Variants in LMO3 observed in about 807,000 individuals in gnomAD.
LMO3 encodes the protein LIM domain only 3.
Under a neutral mutation model 15.8 loss-of-function variants are expected in LMO3, and 2 were observed. The observed-to-expected ratio is 0.13, with a 90% confidence interval of 0.05 to 0.40. The LOEUF is 0.40. Ranked by LOEUF, LMO3 falls within the 10% of genes least tolerant of loss-of-function variation. The pLI, the probability that LMO3 is intolerant of heterozygous loss-of-function variation, is 0.99. For missense variants in LMO3, 86 were observed against 182.2 expected (o/e 0.47, Z 3.04); for synonymous variants, 62 against 63.8 (o/e 0.97, Z 0.13).
In LMO3 at chr12:16,598,485, T is replaced by C. The variant is rs934027890; in HGVS notation, c.206+2170A>G. ...GAAATCGTACTCTGAGAAATGAATA[T>C]ATTGGCAATCAGGACCAGGGTTTAT... is the stretch of plus-strand genomic sequence containing the variant. On this transcript the variant is annotated intron_variant, in intron 2 of 3. Transcript: ENST00000537304. The surrounding 1 kb of genome is among the most constrained non-coding windows in gnomAD (Gnocchi z 4.3). 1.3e-5 allele frequency: 2 copies of C among 152,240 alleles called. No homozygotes were observed. Among genetic ancestry groups the C allele is most frequent in the African/African-American group, 2.4e-5 (1 of 41,546 alleles). The allele number at this position is 152,240 out of a possible 1,614,324, so 9.4% of individuals were successfully genotyped here. A position where few individuals can be genotyped will look rare whatever the true frequency, so the allele number is the denominator to read the frequency against.
chr12:16,601,005 C>A, intron 1 of LMO3, 137 bp from the exon 2 acceptor site: 1 of 654,410 alleles, frequency 1.5e-6, no homozygotes, highest in South Asian at 2.3e-5. Context: ...TGAAATCAAA[C>A]CCAATTTTGG....
chr12:16,591,354 C>T lies in LMO3; in HGVS notation c.206+9301G>A, dbSNP rs1386892087. Among the ~76,000 whole-genome samples the T allele has an allele frequency of 6.6e-6, 1 of 151,894 alleles. No individual in the cohort carries two copies. Among genetic ancestry groups the T allele is most frequent in the Non-Finnish European group, 1.5e-5 (1 of 67,940 alleles). ...TTCATCAGGTCATTACTCAAGTCAC[C>T]GTCTCAGTGAGGCTGTCTGCACCCC... On this transcript the variant is annotated intron_variant, in intron 2 of 3. Transcript: ENST00000537304. The surrounding 1 kb of genome is among the most constrained non-coding windows in gnomAD (Gnocchi z 4.1).
In LMO3 at chr12:16,600,399, T is replaced by G. The variant is rs1367411595; in HGVS notation, c.206+256A>C. 6 of 342,522 alleles carry G rather than the reference T, an allele frequency of 1.8e-5. No homozygotes were observed. The East Asian group carries it at 3.1e-4, about 18-fold the overall frequency. 21.2% of individuals were successfully genotyped at this position (342,522 alleles called of 1,614,324 possible). On this transcript the variant is annotated intron_variant, in intron 2 of 3. Transcript: ENST00000537304. ...TTGACATTAACTGGCAGTTTCAACA[T>G]AGGCAGCGCCATAACCAACTGCCTG...
chr12:16,568,445 C>T (rs1400154349), intron 2 of LMO3, among the ~76,000 whole-genome samples: 2 of 152,140 alleles, frequency 1.3e-5, no homozygotes, highest in East Asian at 3.9e-4. Flanking sequence ...ATAATCCAAG[C>T]TAAGTACCCA....
Position 16,582,447 on chromosome 12 carries a change from A to C in LMO3, c.206+18208T>G, listed in dbSNP as rs1472854358. On this transcript the variant is annotated intron_variant, in intron 2 of 3. Transcript: ENST00000537304. This position sits in a 1 kb window ranked among gnomAD's most constrained non-coding sequence, Gnocchi z 4.1. The stretch of plus-strand genomic sequence containing the variant: ...TTTTATATTTTATATTGTCTTTATC[A>C]GGTCAAGGTACTGTATTAGAGTTAT... 2.0e-5 allele frequency among the ~76,000 whole-genome samples: 3 copies of C among 152,182 alleles called. No individual in the cohort carries two copies. The highest frequency in any genetic ancestry group is 4.4e-5 in the Non-Finnish European group (3 of 68,024).
intron 2 of LMO3, chr12:16,573,366 CA>C: frequency 6.6e-6 from 1 of 152,260 alleles, no homozygotes; most frequent in South Asian, 2.1e-4. Flanking sequence ...AATCATTTGA[CA>C]GCTGATATTC....
chr12:16,557,301 G>A (rs1212817401), intron 3 of LMO3, among the ~76,000 whole-genome samples: 1 of 150,650 alleles, frequency 6.6e-6, no homozygotes, highest in Non-Finnish European at 1.5e-5. Flanking sequence ...GGACCACCAG[G>A]GATCAAATAA....
At chr12:16,575,785 G>C (rs759630595) in intron 2 of LMO3, among the ~76,000 whole-genome samples, 12 of 148,132 alleles carry the variant, frequency 8.1e-5, no homozygotes, top group Non-Finnish European at 1.5e-5. Flanking sequence ...TTCATGTCCT[G>C]ACCTGTAGGA....
chr12:16,584,277 G>A lies in LMO3; in HGVS notation c.206+16378C>T, dbSNP rs1241479834. Among the ~76,000 whole-genome samples, 1 of 152,146 alleles carries A rather than the reference G, an allele frequency of 6.6e-6. No individual in the cohort carries two copies. The highest frequency in any genetic ancestry group is 1.5e-5 in the Non-Finnish European group (1 of 68,032). On this transcript the variant is annotated intron_variant, in intron 2 of 3. Coordinates refer to ENST00000537304, the MANE Select transcript of LMO3 (RefSeq NM_018640.5). This position sits in a 1 kb window ranked among gnomAD's most constrained non-coding sequence, Gnocchi z 5.2. ...TGCCAGTTTCTCCTCTTGGCTTCAT[G>A]GAATGTGGGATTTACATGAGTAAGT...
intron 2 of LMO3, among the ~76,000 whole-genome samples, chr12:16,572,742 G>A (rs1276991397): frequency 6.7e-6 from 1 of 148,742 alleles, no homozygotes; most frequent in Non-Finnish European, 1.5e-5. Context: ...ATAATGCTCT[G>A]CTCACTGTTA....
At chr12:16,583,969 G>A (rs1016684194) in intron 2 of LMO3, among the ~76,000 whole-genome samples, 3 of 152,228 alleles carry the variant, frequency 2.0e-5, no homozygotes, top group Non-Finnish European at 1.5e-5. Flanking sequence ...GGACTACAGT[G>A]TGGAGTTTAA....
At position 16,586,591 on chromosome 12, in the gene LMO3, C is replaced by G. The variant is rs953036651; in HGVS notation, c.206+14064G>C. On this transcript the variant is annotated intron_variant, in intron 2 of 3. Coordinates refer to ENST00000537304, the MANE Select transcript of LMO3 (RefSeq NM_018640.5). The surrounding 1 kb of genome is among the most constrained non-coding windows in gnomAD (Gnocchi z 4.3). ...CATATGCAAAGACACTGCATTTCATCTTTGGACGTCCTTTCTTGGCAGGAC... is the reference window on the plus strand; with the variant it reads ...CATATGCAAAGACACTGCATTTCATGTTTGGACGTCCTTTCTTGGCAGGAC... 6.6e-6 allele frequency among the ~76,000 whole-genome samples: 1 copy of G among 152,194 alleles called. No homozygotes were observed. Among genetic ancestry groups the G allele is most frequent in the Non-Finnish European group, 1.5e-5 (1 of 68,026 alleles).
At chr12:16,588,913 A>T (rs2137600719) in intron 2 of LMO3, among the ~76,000 whole-genome samples, 1 of 152,028 alleles carries the variant, frequency 6.6e-6, no homozygotes, top group East Asian at 2.0e-4. Flanking sequence ...ACATTGGAGG[A>T]GTATCAGCCA....
intron 2 of LMO3, among the ~76,000 whole-genome samples, chr12:16,566,174 T>C (rs187328492): frequency 3.5e-4 from 52 of 150,532 alleles, no homozygotes; most frequent in African/African-American, 1.2e-3. Flanking sequence ...TCTCAGTCAT[T>C]TGGAAGCTAA....
rs1372357616 is a variant in LMO3 at position 16,598,882 on chromosome 12, G to A, written c.206+1773C>T. On this transcript the variant is annotated intron_variant, in intron 2 of 3. Coordinates refer to ENST00000537304, the MANE Select transcript of LMO3 (RefSeq NM_018640.5). The surrounding 1 kb of genome is among the most constrained non-coding windows in gnomAD (Gnocchi z 4.3). Reference sequence around the variant, plus strand: ...ATTCTTTCAAGTTTACTTAATTTTTGTCCTTTGGTTTATTAAAACACCTTA... The same window carrying A: ...ATTCTTTCAAGTTTACTTAATTTTTATCCTTTGGTTTATTAAAACACCTTA... 7.6e-6 allele frequency: 2 copies of A among 263,692 alleles called. No homozygotes were observed. The highest frequency in any genetic ancestry group is 1.6e-5 in the Non-Finnish European group (2 of 126,768). 16.3% of individuals were successfully genotyped at this position (263,692 alleles called of 1,614,324 possible).
chr12:16,568,464 C>G (rs1942695048), intron 2 of LMO3, among the ~76,000 whole-genome samples: 1 of 152,204 alleles, frequency 6.6e-6, no homozygotes, highest in East Asian at 1.9e-4. Flanking sequence ...CATTCACTTA[C>G]TGTCTATTGC....
Position 16,555,199 on chromosome 12 carries a change from CT to C in LMO3, c.333-3873del, listed in dbSNP as rs1591768185. On this transcript the variant is annotated intron_variant, in intron 3 of 3. Transcript: ENST00000537304. The surrounding 1 kb of genome is among the most constrained non-coding windows in gnomAD (Gnocchi z 5.5). ...TATTTGGTAATGATAATCTTTTCAC[CT>C]TTACTTAAGTTGTTCCCTAGCAAGA... Among the ~76,000 whole-genome samples the C allele has an allele frequency of 1.3e-5, 2 of 152,066 alleles. No homozygotes were observed. Among genetic ancestry groups the C allele is most frequent in the South Asian group, 2.1e-4 (1 of 4,816 alleles).
chr12:16,567,571 A>G (rs1479942461), intron 2 of LMO3: 2 of 144,022 alleles, frequency 1.4e-5, no homozygotes, highest in Non-Finnish European at 3.1e-5. Flanking sequence ...TCATCGTGGG[A>G]TGATGTTAGA....
chr12:16,594,750 T>A (rs1943597059), intron 2 of LMO3, among the ~76,000 whole-genome samples: 1 of 151,650 alleles, frequency 6.6e-6, no homozygotes, highest in South Asian at 2.1e-4. Context: ...ACATAATACA[T>A]TTCTACAATT....
Sources: gnomAD v4.1 joint callset for allele counts (sites outside exome capture counted in the v4.1 genomes callset) on GRCh38, gnomAD v4.1.1 for gene constraint, Gnocchi (gnomAD v3.1) non-coding constraint, MANE v1.5 for transcripts, NCBI Gene and HGNC (gene_info 2026-07-23, HGNC 2026-07-21) for gene names.